DAZAP1: variants seen among roughly 807,000 people sequenced by gnomAD.
DAZAP1 encodes DAZ-associated protein 1.
A neutral mutation model predicts 60.1 loss-of-function variants in DAZAP1; 6 were observed. That is an observed-to-expected ratio of 0.10 (90% CI 0.05 to 0.20). The LOEUF (loss-of-function observed/expected upper bound fraction) is 0.20, where lower values mean the gene tolerates loss of function less well. Ranked by LOEUF, DAZAP1 falls within the 10% of genes least tolerant of loss-of-function variation. DAZAP1 has a pLI of 1.00. For synonymous variants in DAZAP1, 235 were observed against 215.9 expected (o/e 1.09, Z -0.78); for missense variants, 366 against 560.4 (o/e 0.65, Z 3.50).
rs549120002 is a variant in DAZAP1, at chr19:1,433,181, C to T, written c.1048+491C>T. 7.4e-4 allele frequency: 135 copies of T among 183,376 alleles called. 1 individual carries two copies. Among genetic ancestry groups the T allele is most frequent in the African/African-American group, 2.9e-3 (122 of 41,712 alleles). The allele number at this position is 183,376 out of a possible 1,614,324, so 11.4% of individuals were successfully genotyped here. A position where few individuals can be genotyped will look rare whatever the true frequency, so the allele number is the denominator to read the frequency against. ...ACTGGATGGCTGTCGTGGCTTGGGTCTGCCTGGACGTGATCTGCAGGCAGC... is the reference window on the plus strand; with the variant it reads ...ACTGGATGGCTGTCGTGGCTTGGGTTTGCCTGGACGTGATCTGCAGGCAGC... On this transcript the variant is annotated intron_variant, in intron 11 of 11. Coordinates refer to ENST00000233078, the MANE Select transcript of DAZAP1 (RefSeq NM_018959.4). This position sits in a 1 kb window ranked among gnomAD's most constrained non-coding sequence, Gnocchi z 6.1.
rs962035012 is a variant in DAZAP1, at chr19:1,418,968, A to G, written c.303+237A>G. ...AAAAAAATGACAGCTCATGCCACTG[A>G]TTATCAGGAGCCAGTCAGCTTCCCT... On this transcript the variant is annotated intron_variant, in intron 4 of 11. Coordinates refer to ENST00000233078, the MANE Select transcript of DAZAP1 (RefSeq NM_018959.4). The surrounding 1 kb of genome is among the most constrained non-coding windows in gnomAD (Gnocchi z 5.7). Among the ~76,000 whole-genome samples the G allele has an allele frequency of 2.0e-5, 3 of 151,866 alleles. No individual in the cohort carries two copies. Among genetic ancestry groups the G allele is most frequent in the Admixed American group, 2.0e-4 (3 of 15,284 alleles).
At chr19:1,421,738 C>T (rs2144811976) in intron 5 of DAZAP1, among the ~76,000 whole-genome samples, 1 of 152,314 alleles carries the variant, frequency 6.6e-6, no homozygotes, top group Non-Finnish European at 1.5e-5. Flanking sequence ...TGTGGTCACC[C>T]CAAGGTCCTG....
In DAZAP1 at chr19:1,425,262, A is replaced by C. The variant is rs1039543131; in HGVS notation, c.464-616A>C. Reference sequence around the variant, plus strand: ...CCTAGCGAGGCACCAGCTATGATAGATACTGTATCTGTTAACGCTTTAGAA... The same window carrying C: ...CCTAGCGAGGCACCAGCTATGATAGCTACTGTATCTGTTAACGCTTTAGAA... On this transcript the variant is annotated intron_variant, in intron 6 of 11. Transcript: ENST00000233078. The surrounding 1 kb of genome is among the most constrained non-coding windows in gnomAD (Gnocchi z 5.4). 1.3e-5 allele frequency among the ~76,000 whole-genome samples: 2 copies of C among 152,162 alleles called. No homozygotes were observed. Among genetic ancestry groups the C allele is most frequent in the African/African-American group, 4.8e-5 (2 of 41,422 alleles).
chr19:1,430,195 CCAT>C (rs1569094660), intron 9 of DAZAP1, 24 bp from the exon 10 acceptor site: 7 of 1,583,018 alleles, frequency 4.4e-6, no homozygotes, highest in African/African-American at 1.4e-5. Flanking sequence ...CGCTCTCTGT[CCAT>C]CACCCCCGTA....
At chr19:1,419,347 G>A (rs772446334) in intron 4 of DAZAP1, among the ~76,000 whole-genome samples, 2 of 152,240 alleles carry the variant, frequency 1.3e-5, no homozygotes, top group African/African-American at 4.8e-5. Flanking sequence ...GTGCTGGACA[G>A]TGCAGACCTG....
chr19:1,431,847 C>T lies in DAZAP1; in HGVS notation c.872-667C>T, dbSNP rs2083460273. 2.0e-5 allele frequency among the ~76,000 whole-genome samples: 3 copies of T among 152,156 alleles called. No individual in the cohort carries two copies. The South Asian group carries it at 6.2e-4, about 31-fold the overall frequency. On this transcript the variant is annotated intron_variant, in intron 10 of 11. Transcript: ENST00000233078. ...GAACGGCACCGTGATCTGATTTCAC[C>T]TGCGGGCCCTGGGCCCTGGGGGTGT...
intron 6 of DAZAP1, among the ~76,000 whole-genome samples, chr19:1,424,391 T>C (rs1039473620): frequency 8.2e-6 from 1 of 121,324 alleles, no homozygotes; most frequent in Non-Finnish European, 1.6e-5. Context: ...TTGCAGACAC[T>C]GCGTGCACAG....
At position 1,418,674 on chromosome 19, in the gene DAZAP1, C is replaced by T. The variant is rs746963226; in HGVS notation, c.246C>T (p.Pro82=). 1.3e-5 allele frequency: 21 copies of T among 1,613,906 alleles called. No individual in the cohort carries two copies. In the Admixed American group the frequency reaches 2.0e-4, roughly 15 times the overall value. Residue 82 remains proline, a synonymous_variant, in exon 4 of 12, where the codon CCC becomes CCT. Coordinates refer to ENST00000233078, the MANE Select transcript of DAZAP1 (RefSeq NM_018959.4). This position sits in a 1 kb window ranked among gnomAD's most constrained non-coding sequence, Gnocchi z 5.7. ...TTTGAAATTTCCTGCAGATCGACCC[C>T]AAGCCATGCACACCCCGGGGGATGC... ...PHTLDGRNID[P]KPCTPRGMQP...
In DAZAP1 at chr19:1,435,092, T is replaced by G; in HGVS notation, c.*180T>G. On this transcript the variant is annotated 3_prime_UTR_variant, in exon 12 of 12. Transcript: ENST00000233078. The stretch of plus-strand genomic sequence containing the variant: ...TGGACTGAGGTTTTTAAATATTTCT[T>G]TCTCTAACCCATCAGCACAATAAAA... The G allele has an allele frequency of 2.3e-6, 1 of 428,932 alleles. No individual in the cohort carries two copies. Among genetic ancestry groups the G allele is most frequent in the Non-Finnish European group, 4.0e-6 (1 of 252,896 alleles). The allele number at this position is 428,932 out of a possible 1,614,324, so 26.6% of individuals were successfully genotyped here.
At position 1,423,133 on chromosome 19, in the gene DAZAP1, G is replaced by A. The variant is rs935796134; in HGVS notation, c.463+737G>A. 6.6e-6 allele frequency among the ~76,000 whole-genome samples: 1 copy of A among 151,854 alleles called. No individual in the cohort carries two copies. Among genetic ancestry groups the A allele is most frequent in the Non-Finnish European group, 1.5e-5 (1 of 68,010 alleles). On this transcript the variant is annotated intron_variant, in intron 6 of 11. Transcript: ENST00000233078. The surrounding 1 kb of genome is among the most constrained non-coding windows in gnomAD (Gnocchi z 6.8). ...TGGGTCTGCCCGCCACGTCCGTGCC[G>A]CCCCCGCACCACCGGCCCAGGTCAG...
chr19:1,430,493 G>C, intron 10 of DAZAP1, 131 bp downstream of exon 10: 1 of 811,556 alleles, frequency 1.2e-6, no homozygotes, highest in Non-Finnish European at 1.8e-6. Flanking sequence ...TGGTCAGCAG[G>C]TCACCTGCCA....
intron 1 of DAZAP1, among the ~76,000 whole-genome samples, chr19:1,408,405 G>A (rs906101023): frequency 6.6e-6 from 1 of 152,192 alleles, no homozygotes; most frequent in East Asian, 1.9e-4. Context: ...TGGCGTGGGG[G>A]GTGGTCCGGG....
At chr19:1,415,390 T>TGTGTGTGTGTGTG (rs757259175) in intron 1 of DAZAP1, among the ~76,000 whole-genome samples, 2 of 125,790 alleles carry the variant, frequency 1.6e-5, no homozygotes, top group African/African-American at 5.7e-5. Context: ...TGTGTGTGTG[T>TGTGTGTGTGTGTG]TTTGTTTTTT....
At position 1,430,295 on chromosome 19, in the gene DAZAP1, C is replaced by T; in HGVS notation, c.804C>T (p.Ser268=). ...PPPPFTSYIV[S]TPPGGFPPPQ... ...CACCGTTCACCTCCTACATCGTGTC[C>T]ACCCCTCCTGGAGGCTTTCCCCCTC... The change falls in exon 10 of 12, where the codon TCC becomes TCT. Residue 268 remains serine, a synonymous_variant. Coordinates refer to ENST00000233078, the MANE Select transcript of DAZAP1 (RefSeq NM_018959.4). The T allele has an allele frequency of 1.3e-6, 2 of 1,517,564 alleles. No individual in the cohort carries two copies. Among genetic ancestry groups the T allele is most frequent in the South Asian group, 2.5e-5 (2 of 81,142 alleles). 94.0% of individuals were successfully genotyped at this position (1,517,564 alleles called of 1,614,324 possible).
At chr19:1,430,490 C>A in intron 10 of DAZAP1, 128 bp downstream of exon 10, 1 of 844,292 alleles carries the variant, frequency 1.2e-6, no homozygotes, top group Non-Finnish European at 1.7e-6. Flanking sequence ...GGCTGGTCAG[C>A]AGGTCACCTG....
rs748644324 is a variant in DAZAP1 at position 1,422,374 on chromosome 19, C to T, written c.441C>T (p.Asp147=). The T allele has an allele frequency of 2.1e-5, 34 of 1,613,954 alleles. No individual in the cohort carries two copies. Among genetic ancestry groups the T allele is most frequent in the South Asian group, 1.2e-4 (11 of 91,076 alleles). The change falls in exon 6 of 12, where the codon GAC becomes GAT. Residue 147 remains aspartate (D), a synonymous_variant. Coordinates refer to ENST00000233078, the MANE Select transcript of DAZAP1 (RefSeq NM_018959.4). The surrounding 1 kb of genome is among the most constrained non-coding windows in gnomAD (Gnocchi z 4.5). ...GVVTEVVMIY[D]AEKQRPRGFG... is the part of the protein sequence containing the mutation. ...TCACGGAGGTAGTCATGATCTATGA[C>T]GCCGAGAAGCAGAGGCCCCGAGGTA...
rs1186639996 is a variant in DAZAP1 at position 1,430,298 on chromosome 19, C to T, written c.807C>T (p.Thr269=). The T allele has an allele frequency of 6.4e-7, 1 of 1,556,694 alleles. No individual in the cohort carries two copies. Among genetic ancestry groups the T allele is most frequent in the South Asian group, 1.2e-5 (1 of 82,152 alleles). ...PPPFTSYIVS[T]PPGGFPPPQG... ...CGTTCACCTCCTACATCGTGTCCAC[C>T]CCTCCTGGAGGCTTTCCCCCTCCCC... The change falls in exon 10 of 12, where the codon ACC becomes ACT. Residue 269 remains threonine, a synonymous_variant. Transcript: ENST00000233078.
Position 1,422,811 on chromosome 19 carries a change from A to G in DAZAP1, c.463+415A>G, listed in dbSNP as rs528278575. On this transcript the variant is annotated intron_variant, in intron 6 of 11. Transcript: ENST00000233078. This position sits in a 1 kb window ranked among gnomAD's most constrained non-coding sequence, Gnocchi z 4.5. ...GTTTGGATTTTCCGTGATCCATCCC[A>G]TGCTTTTTTTTTCTTTCTTTCTTTT... Among the ~76,000 whole-genome samples, 3 of 149,606 alleles carry G rather than the reference A, an allele frequency of 2.0e-5. No homozygotes were observed. The highest frequency in any genetic ancestry group is 3.0e-5 in the Non-Finnish European group (2 of 67,374).
intron 1 of DAZAP1, 112 bp downstream of exon 1, chr19:1,407,914 C>T (rs2082710722): frequency 3.2e-6 from 3 of 947,196 alleles, no homozygotes; most frequent in Admixed American, 5.7e-5. Context: ...GTCACGCCGG[C>T]CGGGGGCGGA....
Sources: allele counts gnomAD v4.1 joint callset (sites outside exome capture counted in the v4.1 genomes callset), GRCh38; gene constraint gnomAD v4.1.1; non-coding constraint Gnocchi (gnomAD v3.1); transcripts MANE v1.5; gene names NCBI Gene and HGNC (gene_info 2026-07-23, HGNC 2026-07-21).